Variants in AFF2 observed in about 807,000 individuals in gnomAD.
The protein encoded by AFF2 is AF4/FMR2 family member 2.
AFF2 carries 14 observed loss-of-function variants against 76.9 expected under a neutral mutation model. That is an observed-to-expected ratio of 0.18 (90% CI 0.12 to 0.28). The LOEUF (loss-of-function observed/expected upper bound fraction) is 0.28, where lower values mean the gene tolerates loss of function less well. Ranked by LOEUF, AFF2 falls within the 10% of genes least tolerant of loss-of-function variation. The probability of loss-of-function intolerance (pLI) is 1.00; values close to 1 mark genes in which losing one functional copy is unlikely to be tolerated. For synonymous variants in AFF2, 398 were observed against 366.7 expected (o/e 1.09, Z -0.98); for missense variants, 868 against 1,001.1 (o/e 0.87, Z 1.79).
At chrX:148,790,690 G>A (rs2069881483) in intron 3 of AFF2, among the ~76,000 whole-genome samples, 1 of 109,370 alleles carries the variant, frequency 9.1e-6, no homozygotes, top group African/African-American at 3.3e-5. Context: ...GCCTGTTGGG[G>A]GTGGGGTTGG....
intron 1 of AFF2, among the ~76,000 whole-genome samples, chrX:148,531,449 G>A (rs2052729434): frequency 8.9e-6 from 1 of 112,049 alleles, no homozygotes; most frequent in African/African-American, 3.2e-5. Flanking sequence ...AAGTTGCCCC[G>A]AGTTCTACTG....
chrX:148,753,161 C>T (rs1307024549), intron 3 of AFF2, among the ~76,000 whole-genome samples: 1 of 111,450 alleles, frequency 9.0e-6, no homozygotes, highest in African/African-American at 3.3e-5. Flanking sequence ...TGAAACCATA[C>T]CAGAATCACT....
At chrX:148,952,861 G>A (rs1387467568) in intron 9 of AFF2, among the ~76,000 whole-genome samples, 1 of 111,612 alleles carries the variant, frequency 9.0e-6, no homozygotes, top group African/African-American at 3.3e-5. Context: ...GCCTAGAAGT[G>A]TGTTGTCTCA....
At chrX:148,893,361 G>T (rs2071246048) in intron 8 of AFF2, among the ~76,000 whole-genome samples, 1 of 111,790 alleles carries the variant, frequency 8.9e-6, no homozygotes, top group Non-Finnish European at 1.9e-5. Context: ...AGAAACCTGT[G>T]TGCTGAATTT....
At chrX:148,541,551 C>T (rs1469452564) in intron 1 of AFF2, among the ~76,000 whole-genome samples, 1 of 111,452 alleles carries the variant, frequency 9.0e-6, no homozygotes, top group African/African-American at 3.3e-5. Context: ...ACCACTTTCT[C>T]TCCTTACTCA....
rs150195826 is a variant in AFF2 at position 148,899,791 on chromosome X, A to G, written c.1360-4430A>G. Among the ~76,000 whole-genome samples the G allele has an allele frequency of 9.4e-3, 1,045 of 111,336 alleles. 14 individuals carry two copies. The highest frequency in any genetic ancestry group is 0.033 in the African/African-American group (998 of 30,702). On this transcript the variant is annotated intron_variant, in intron 8 of 20. Transcript: ENST00000370460. ...GAATACCTGAGTCCACTGCCACAATATCTCTAGGCCATCCAAATGTTCACT... is the reference window on the plus strand; with the variant it reads ...GAATACCTGAGTCCACTGCCACAATGTCTCTAGGCCATCCAAATGTTCACT...
chrX:148,634,572 C>T (rs1557253527), intron 1 of AFF2, among the ~76,000 whole-genome samples: 1 of 112,063 alleles, frequency 8.9e-6, no homozygotes, highest in East Asian at 2.8e-4. Context: ...TAATACCTTA[C>T]ATCTCTATGT....
At chrX:148,682,578 G>GTGGATGGA (rs781792992) in intron 3 of AFF2, among the ~76,000 whole-genome samples, 32 of 106,316 alleles carry the variant, frequency 3.0e-4, no homozygotes, top group South Asian at 1.3e-3. Context: ...GGGTGGACAG[G>GTGGATGGA]TGGATGGATG....
chrX:148,779,913 C>A (rs1557268931), intron 3 of AFF2, among the ~76,000 whole-genome samples: 1 of 111,797 alleles, frequency 8.9e-6, no homozygotes. Context: ...TTTAGTGCTT[C>A]CTTCAGGAGC....
chrX:148,887,298 A>T (rs1557279203), intron 8 of AFF2, among the ~76,000 whole-genome samples: 1 of 112,098 alleles, frequency 8.9e-6, no homozygotes, highest in East Asian at 2.8e-4. Flanking sequence ...TGTAAAATGT[A>T]CACTTCATTT....
chrX:148,817,906 T>G (rs1175834516), intron 4 of AFF2, among the ~76,000 whole-genome samples: 1 of 111,597 alleles, frequency 9.0e-6, no homozygotes, highest in Non-Finnish European at 1.9e-5. Context: ...AAAAGACACT[T>G]GACAAAACTG....
intron 1 of AFF2, among the ~76,000 whole-genome samples, chrX:148,551,482 G>GAAAAAAAAA (rs781883999): frequency 2.6e-5 from 1 of 38,010 alleles, no homozygotes. Context: ...GCTGGGAAGT[G>GAAAAAAAAA]AAAAAAAAAA....
At chrX:148,547,592 C>A (rs1289920263) in intron 1 of AFF2, among the ~76,000 whole-genome samples, 2 of 112,025 alleles carry the variant, frequency 1.8e-5, no homozygotes, top group African/African-American at 6.5e-5. Context: ...TCATTTCATC[C>A]TCAAAATTTC....
intron 1 of AFF2, among the ~76,000 whole-genome samples, chrX:148,627,130 G>C (rs2053934432): frequency 8.9e-6 from 1 of 111,780 alleles, no homozygotes; most frequent in African/African-American, 3.3e-5. Flanking sequence ...GGAATTACTT[G>C]AGCCCAGGAA....
At chrX:148,827,239 C>T (rs2070399082) in intron 4 of AFF2, among the ~76,000 whole-genome samples, 1 of 111,655 alleles carries the variant, frequency 9.0e-6, no homozygotes, top group African/African-American at 3.3e-5. Flanking sequence ...CTGGAGGCTT[C>T]TTTCCACGAA....
intron 3 of AFF2, among the ~76,000 whole-genome samples, chrX:148,750,222 G>A (rs1490837083): frequency 9.1e-5 from 10 of 110,358 alleles, no homozygotes; most frequent in Admixed American, 3.9e-4. Context: ...TGCCTGCCTC[G>A]GCCTCCCAAA....
rs138344727 is a variant in AFF2 at position 148,631,754 on chromosome X, A to G, written c.48-20245A>G. On this transcript the variant is annotated intron_variant, in intron 1 of 20. Transcript: ENST00000370460. ...AAACTGGCTCATAACAGCCTTCCAG[A>G]GGAGTTAGGGAGGTAAGTGGGAGAT... Among the ~76,000 whole-genome samples the G allele has an allele frequency of 5.4e-3, 601 of 112,313 alleles. 3 individuals carry two copies. Among genetic ancestry groups the G allele is most frequent in the African/African-American group, 0.019 (586 of 30,942 alleles).
At chrX:148,870,592 TCA>T (rs1183796777) in intron 7 of AFF2, among the ~76,000 whole-genome samples, 36 of 111,964 alleles carry the variant, frequency 3.2e-4, no homozygotes, top group African/African-American at 1.2e-3. Context: ...TTCCACTAAA[TCA>T]CAGTTTTCTT....
intron 4 of AFF2, among the ~76,000 whole-genome samples, chrX:148,820,019 A>G (rs1238716845): frequency 9.0e-6 from 1 of 111,294 alleles, no homozygotes; most frequent in Non-Finnish European, 1.9e-5. Context: ...TAATGTCTTA[A>G]TTTCTGTAGA....
Sources: allele counts gnomAD v4.1 joint callset (sites outside exome capture counted in the v4.1 genomes callset), GRCh38; gene constraint gnomAD v4.1.1; transcripts MANE v1.5; gene names NCBI Gene and HGNC (gene_info 2026-07-23, HGNC 2026-07-21).